The following ATAD2B variants were observed in gnomAD, a reference collection of about 807,000 sequenced individuals.
ATAD2B encodes the protein ATPase family AAA domain containing 2B, also known as ATPase family AAA domain-containing protein 2B.
ATAD2B carries 40 observed loss-of-function variants against 167.6 expected under a neutral mutation model. That is an observed-to-expected ratio of 0.24 (90% CI 0.19 to 0.31). The LOEUF is 0.31. ATAD2B is among the 10% of genes least tolerant of loss of function. The pLI is 1.00. For synonymous variants in ATAD2B, 579 were observed against 596.5 expected (o/e 0.97, Z 0.43); for missense variants, 1,242 against 1,757.2 (o/e 0.71, Z 5.24).
intron 21 of ATAD2B, among the ~76,000 whole-genome samples, chr2:23,784,355 T>C (rs186008557): frequency 1.5e-3 from 223 of 152,284 alleles, no homozygotes; most frequent in Admixed American, 3.5e-3. Context: ...TGTTTTAGGT[T>C]ATCTTGTTTT....
At chr2:23,883,543 A>G in intron 6 of ATAD2B, 1 of 1,091,334 alleles carries the variant, frequency 9.2e-7, no homozygotes, top group Non-Finnish European at 1.2e-6. Context: ...AAACTCTACA[A>G]AGATGTTCAG....
chr2:23,798,944 C>G (rs180735109), intron 18 of ATAD2B, among the ~76,000 whole-genome samples: 352 of 152,310 alleles, frequency 2.3e-3, no homozygotes, highest in Non-Finnish European at 3.7e-3. Context: ...CTCTGCGACA[C>G]TTCCATTGTC....
At chr2:23,882,720 G>T (rs1023031377) in intron 6 of ATAD2B, among the ~76,000 whole-genome samples, 1 of 151,336 alleles carries the variant, frequency 6.6e-6, no homozygotes, top group Non-Finnish European at 1.5e-5. Context: ...TGAGGCAGGA[G>T]AATGGCATGA....
the ATAD2B span, among the ~76,000 whole-genome samples, chr2:23,719,851 G>A: frequency 6.6e-6 from 1 of 152,194 alleles, no homozygotes; most frequent in East Asian, 1.9e-4. Context: ...GACATCCCCA[G>A]CCCTGGAAAC....
chr2:23,729,736 T>C, the ATAD2B span, among the ~76,000 whole-genome samples: 1 of 152,064 alleles, frequency 6.6e-6, no homozygotes, highest in Admixed American at 6.6e-5. Flanking sequence ...TATTTATTGT[T>C]TAAAAAAGAA....
intron 22 of ATAD2B, among the ~76,000 whole-genome samples, chr2:23,766,531 A>G (rs74785995): frequency 0.079 from 12,088 of 152,224 alleles, 613 homozygotes; most frequent in South Asian, 0.12. Flanking sequence ...CCAAACATGC[A>G]CCACTCAAAG....
the ATAD2B span, chr2:23,706,847 C>A: frequency 1.9e-6 from 1 of 522,062 alleles, no homozygotes; most frequent in Non-Finnish European, 3.2e-6. Flanking sequence ...TTGGATGAAA[C>A]GGAGGCACCG....
chr2:23,880,006 T>C (rs377124808), intron 7 of ATAD2B, among the ~76,000 whole-genome samples: 63 of 149,942 alleles, frequency 4.2e-4, no homozygotes, highest in African/African-American at 1.5e-3. Flanking sequence ...TGCAGTGCAC[T>C]GAGATAATGC....
chr2:23,840,930 A>G (rs1690792877), intron 13 of ATAD2B, among the ~76,000 whole-genome samples: 1 of 152,144 alleles, frequency 6.6e-6, no homozygotes, highest in African/African-American at 2.4e-5. Context: ...CTTTTAAGAC[A>G]GGGTCTCACT....
the ATAD2B span, among the ~76,000 whole-genome samples, chr2:23,719,251 G>A: frequency 6.6e-6 from 1 of 152,020 alleles, no homozygotes; most frequent in African/African-American, 2.4e-5. Flanking sequence ...ACAGGGCCCA[G>A]AACAGCATAA....
rs750865073 is a variant in ATAD2B, at chr2:23,862,401, GTTTTTTTTT to G, written c.1479+971_1479+979del. The stretch of plus-strand genomic sequence containing the variant: ...CAAAAGTGAATTTATATTTGGACTG[GTTTTTTTTT>G]TTTTTTTTTTTTTTTTGAGAGACAG... On this transcript the variant is annotated intron_variant, in intron 12 of 27. Transcript: ENST00000238789. 3.4e-3 allele frequency among the ~76,000 whole-genome samples: 343 copies of G among 99,452 alleles called. 3 individuals carry two copies. Among genetic ancestry groups the G allele is most frequent in the African/African-American group, 0.012 (314 of 25,168 alleles). 65.2% of individuals were successfully genotyped at this position (99,452 alleles called of 152,430 possible). A position where few individuals can be genotyped will look rare whatever the true frequency, so the allele number is the denominator to read the frequency against.
intron 7 of ATAD2B, among the ~76,000 whole-genome samples, chr2:23,877,312 C>G (rs546226205): frequency 6.6e-6 from 1 of 151,488 alleles, no homozygotes; most frequent in East Asian, 2.0e-4. Flanking sequence ...TGGTGAAACC[C>G]CATCTCTATT....
intron 27 of ATAD2B, among the ~76,000 whole-genome samples, chr2:23,753,570 A>C (rs1034063312): frequency 6.6e-6 from 1 of 152,178 alleles, no homozygotes; most frequent in African/African-American, 2.4e-5. Flanking sequence ...ACAAAGATAG[A>C]AGCTCATATT....
At chr2:23,920,893 C>G (rs916958191) in intron 1 of ATAD2B, among the ~76,000 whole-genome samples, 5 of 151,946 alleles carry the variant, frequency 3.3e-5, no homozygotes, top group African/African-American at 1.2e-4. Flanking sequence ...ATTGAAAGAC[C>G]AAAAACCTAA....
intron 13 of ATAD2B, among the ~76,000 whole-genome samples, chr2:23,838,909 G>A (rs1405222621): frequency 6.6e-6 from 1 of 152,042 alleles, no homozygotes; most frequent in African/African-American, 2.4e-5. Flanking sequence ...CCACCTTATA[G>A]AAGAAAAGAT....
intron 13 of ATAD2B, among the ~76,000 whole-genome samples, chr2:23,852,925 A>G (rs1692799976): frequency 6.6e-6 from 1 of 152,140 alleles, no homozygotes; most frequent in African/African-American, 2.4e-5. Context: ...TCTCCAAAAA[A>G]AAAAAAAAAT....
chr2:23,886,956 T>C (rs1269356867), intron 4 of ATAD2B, among the ~76,000 whole-genome samples: 1 of 139,860 alleles, frequency 7.2e-6, no homozygotes, highest in Middle Eastern at 4.5e-3. Context: ...GAAAAAGAAA[T>C]ACATGCTAAC....
chr2:23,878,010 CAAAGAA>C (rs1319573113), intron 7 of ATAD2B, among the ~76,000 whole-genome samples: 1,132 of 28,444 alleles, frequency 0.04, 51 homozygotes, highest in Middle Eastern at 0.071. Context: ...ACCCTATCTC[CAAAGAA>C]AAAAAAAAAA....
chr2:23,765,345 T>A (rs1677265646), intron 23 of ATAD2B, among the ~76,000 whole-genome samples, 161 bp downstream of exon 23: 1 of 152,184 alleles, frequency 6.6e-6, no homozygotes, highest in Non-Finnish European at 1.5e-5. Context: ...TTGTAAAATA[T>A]CTTTGAGAAT....
Sources: allele counts gnomAD v4.1 joint callset (sites outside exome capture counted in the v4.1 genomes callset), GRCh38; gene constraint gnomAD v4.1.1; transcripts MANE v1.5; gene names NCBI Gene and HGNC (gene_info 2026-07-23, HGNC 2026-07-21).